The following EDC3 variants were observed in gnomAD, a reference collection of about 807,000 sequenced individuals.
EDC3 encodes the protein enhancer of mRNA-decapping protein 3.
EDC3 carries 20 observed loss-of-function variants against 41.8 expected under a neutral mutation model. The ratio of observed to expected loss-of-function variants is 0.48; its 90% CI spans 0.34 to 0.70. The LOEUF is 0.70. EDC3 is among the 30% of genes least tolerant of loss of function. The probability of loss-of-function intolerance (pLI) is 0.01; values close to 1 mark genes in which losing one functional copy is unlikely to be tolerated. For missense variants in EDC3, 444 were observed against 636.8 expected (o/e 0.70, Z 3.26); for synonymous variants, 206 against 243.2 (o/e 0.85, Z 1.42).
intron 3 of EDC3, among the ~76,000 whole-genome samples, chr15:74,669,449 T>C (rs898941047): frequency 6.6e-6 from 1 of 150,686 alleles, no homozygotes; most frequent in Non-Finnish European, 1.5e-5. Flanking sequence ...GAGGTGGAGG[T>C]TGCAGTGAGC....
intron 3 of EDC3, among the ~76,000 whole-genome samples, chr15:74,663,397 T>C (rs1456102939): frequency 6.6e-6 from 1 of 152,182 alleles, no homozygotes; most frequent in Non-Finnish European, 1.5e-5. Flanking sequence ...AGCAGTGCGC[T>C]AACCACTGAA....
intron 1 of EDC3, among the ~76,000 whole-genome samples, chr15:74,678,982 G>T (rs979763507): frequency 7.9e-5 from 12 of 151,318 alleles, no homozygotes; most frequent in Admixed American, 6.6e-4. Context: ...CTTGAGTTCA[G>T]GAGTTCAAGA....
At chr15:74,640,372 T>G in intron 5 of EDC3, 94 bp downstream of exon 5, 1 of 1,386,344 alleles carries the variant, frequency 7.2e-7, no homozygotes, top group Non-Finnish European at 9.9e-7. Flanking sequence ...AACTGCCTAA[T>G]GAACTCGTAT....
At chr15:74,663,802 G>A (rs555790491) in intron 3 of EDC3, among the ~76,000 whole-genome samples, 1 of 151,756 alleles carries the variant, frequency 6.6e-6, no homozygotes, top group African/African-American at 2.4e-5. Context: ...AAACAAACAT[G>A]ACTAGCTGTA....
At chr15:74,682,964 G>A (rs2062891649) in intron 1 of EDC3, among the ~76,000 whole-genome samples, 1 of 152,096 alleles carries the variant, frequency 6.6e-6, no homozygotes, top group Non-Finnish European at 1.5e-5. Flanking sequence ...AGAGGTTGTG[G>A]TGAGCCCAGA....
intron 4 of EDC3, among the ~76,000 whole-genome samples, chr15:74,652,005 C>T (rs1337898097): frequency 2.0e-5 from 3 of 152,212 alleles, no homozygotes; most frequent in East Asian, 1.9e-4. Context: ...CATGACTGCA[C>T]GGCTGACTGC....
At chr15:74,646,317 C>T (rs1006440545) in intron 4 of EDC3, among the ~76,000 whole-genome samples, 2 of 152,154 alleles carry the variant, frequency 1.3e-5, no homozygotes, top group African/African-American at 4.8e-5. Context: ...AGGTGATCCA[C>T]CCGCCTCGAC....
chr15:74,632,398 G>A lies in EDC3; in HGVS notation c.*214C>T, dbSNP rs868865666. 5.2e-5 allele frequency: 32 copies of A among 612,678 alleles called. No individual in the cohort carries two copies. The East Asian group carries it at 7.4e-4, about 14-fold the overall frequency. The allele number at this position is 612,678 out of a possible 1,614,324, so 38.0% of individuals were successfully genotyped here. A position where few individuals can be genotyped will look rare whatever the true frequency, so the allele number is the denominator to read the frequency against. On this transcript the variant is annotated 3_prime_UTR_variant, in exon 7 of 7. Coordinates refer to ENST00000315127, the MANE Select transcript of EDC3 (RefSeq NM_025083.5). This position sits in a 1 kb window ranked among gnomAD's most constrained non-coding sequence, Gnocchi z 4.0. Reference sequence around the variant, plus strand: ...GTAGAGATGCCTGGAGTTGCTGCACGCTCAGCCTGCCACCCAGCCCGGAAC... The same window carrying A: ...GTAGAGATGCCTGGAGTTGCTGCACACTCAGCCTGCCACCCAGCCCGGAAC...
chr15:74,670,007 CTAAT>C (rs2062721267), intron 3 of EDC3, among the ~76,000 whole-genome samples: 1 of 138,494 alleles, frequency 7.2e-6, no homozygotes, highest in Non-Finnish European at 1.5e-5. Context: ...CCACGCCCAG[CTAAT>C]TTTTTTTTTT....
chr15:74,691,819 G>GT (rs1170070109), intron 1 of EDC3, among the ~76,000 whole-genome samples: 6 of 151,822 alleles, frequency 4.0e-5, no homozygotes, highest in South Asian at 2.1e-4. Context: ...TATTTTCTGG[G>GT]TTTTTTTGGG....
chr15:74,632,247 C>T lies in EDC3; in HGVS notation c.*365G>A, dbSNP rs978359002. On this transcript the variant is annotated 3_prime_UTR_variant, in exon 7 of 7. Transcript: ENST00000315127. The surrounding 1 kb of genome is among the most constrained non-coding windows in gnomAD (Gnocchi z 4.0). ...CTGAAATAGAGCAGGTACAGGCCCC[C>T]AGACAGGACCTGGCCCACTCTTCAA... 2 of 285,868 alleles carry T rather than the reference C, an allele frequency of 7.0e-6. No individual in the cohort carries two copies. The highest frequency in any genetic ancestry group is 6.7e-6 in the Non-Finnish European group (1 of 148,816). The allele number at this position is 285,868 out of a possible 1,614,324, so 17.7% of individuals were successfully genotyped here. A position where few individuals can be genotyped will look rare whatever the true frequency, so the allele number is the denominator to read the frequency against.
chr15:74,671,472 C>T lies in EDC3; in HGVS notation c.467G>A (p.Arg156His), dbSNP rs544178799. The change falls in exon 3 of 7, where the codon CGT becomes CAT. Residue 156 changes from arginine (R) to histidine (H), a missense_variant. Coordinates refer to ENST00000315127, the MANE Select transcript of EDC3 (RefSeq NM_025083.5). The surrounding 1 kb of genome is among the most constrained non-coding windows in gnomAD (Gnocchi z 4.6). Reference sequence around the variant, plus strand: ...CTACTTACAGGAGTTGTGCCGACGACGGAAACTTTTGGACTGACTCAAGGA... The same window carrying T: ...CTACTTACAGGAGTTGTGCCGACGATGGAAACTTTTGGACTGACTCAAGGA... ...MESLSQSKSF[R>H]RRHNSWSSSS... is the part of the protein sequence containing the mutation. The T allele has an allele frequency of 5.6e-6, 9 of 1,608,892 alleles. No individual in the cohort carries two copies. Among genetic ancestry groups the T allele is most frequent in the East Asian group, 2.2e-5 (1 of 44,730 alleles).
chr15:74,678,761 G>A (rs1305700638), intron 1 of EDC3, among the ~76,000 whole-genome samples: 1 of 151,314 alleles, frequency 6.6e-6, no homozygotes, highest in Non-Finnish European at 1.5e-5. Context: ...ATGGTGGCAC[G>A]TGCCTGTAAT....
chr15:74,668,766 A>AAAGAAAGAAAGAAAGAAAGAAAGAAAG (rs1255290082), intron 3 of EDC3, among the ~76,000 whole-genome samples: 84 of 66,050 alleles, frequency 1.3e-3, no homozygotes, highest in Middle Eastern at 0.017. Context: ...AAGAAAGAAA[A>AAAGAAAGAAAGAAAGAAAGAAAGAAAG]AGGTTAAAGT....
rs566433041 is a variant in EDC3 at position 74,669,097 on chromosome 15, G to A, written c.484+2358C>T. ...CTAAAAATACAAAAATTAGCCGGGCGCAGTGGCTTATGCCTGTAATCTCAG... is the reference window on the plus strand; with the variant it reads ...CTAAAAATACAAAAATTAGCCGGGCACAGTGGCTTATGCCTGTAATCTCAG... On this transcript the variant is annotated intron_variant, in intron 3 of 6. Transcript: ENST00000315127. Among the ~76,000 whole-genome samples, 88 of 151,798 alleles carry A rather than the reference G, an allele frequency of 5.8e-4. 1 individual carries two copies. The highest frequency in any genetic ancestry group is 1.8e-3 in the African/African-American group (75 of 41,424).
chr15:74,630,879 T>G lies in EDC3; in HGVS notation c.*1733A>C, dbSNP rs1037485569. The G allele has an allele frequency of 1.3e-5, 2 of 152,246 alleles. No homozygotes were observed. Among genetic ancestry groups the G allele is most frequent in the East Asian group, 1.9e-4 (1 of 5,194 alleles). 9.4% of individuals were successfully genotyped at this position (152,246 alleles called of 1,614,324 possible). ...AGTGGACAGTCTTCTGGGCCAGGGTTGTTCTAGCTTGTTTCTCACTGTACC... is the reference window on the plus strand; with the variant it reads ...AGTGGACAGTCTTCTGGGCCAGGGTGGTTCTAGCTTGTTTCTCACTGTACC... On this transcript the variant is annotated 3_prime_UTR_variant, in exon 7 of 7. Transcript: ENST00000315127.
chr15:74,681,870 G>A (rs150412629), intron 1 of EDC3, among the ~76,000 whole-genome samples: 18 of 152,178 alleles, frequency 1.2e-4, no homozygotes, highest in African/African-American at 4.3e-4. Context: ...GACACCAAAA[G>A]CACAATCCAT....
chr15:74,683,274 C>T (rs1271814868), intron 1 of EDC3, among the ~76,000 whole-genome samples: 2 of 152,146 alleles, frequency 1.3e-5, no homozygotes, highest in Non-Finnish European at 2.9e-5. Flanking sequence ...GTGGCTGATG[C>T]CTGTAATCCC....
At chr15:74,669,000 C>T (rs1454868629) in intron 3 of EDC3, among the ~76,000 whole-genome samples, 1 of 152,060 alleles carries the variant, frequency 6.6e-6, no homozygotes, top group Non-Finnish European at 1.5e-5. Context: ...CTTGGGGAGG[C>T]CGAGGCAGGC....
Sources: allele counts gnomAD v4.1 joint callset (sites outside exome capture counted in the v4.1 genomes callset), GRCh38; gene constraint gnomAD v4.1.1; non-coding constraint Gnocchi (gnomAD v3.1); transcripts MANE v1.5; gene names NCBI Gene and HGNC (gene_info 2026-07-23, HGNC 2026-07-21).